The following BMP5 variants were observed in gnomAD, a reference collection of about 807,000 sequenced individuals.
BMP5 encodes bone morphogenetic protein 5.
A neutral mutation model predicts 46.6 loss-of-function variants in BMP5; 23 were observed. The observed-to-expected ratio is 0.49, with a 90% CI of 0.35 to 0.70. The LOEUF (loss-of-function observed/expected upper bound fraction) is 0.70. Among genes scored for constraint, BMP5 ranks in the 30% least tolerant of loss-of-function variants. The probability of loss-of-function intolerance (pLI) is 0.00; values close to 1 mark genes in which losing one functional copy is unlikely to be tolerated. For synonymous variants in BMP5, 204 were observed against 191.9 expected (o/e 1.06, Z -0.52); for missense variants, 545 against 565.6 (o/e 0.96, Z 0.37).
intron 1 of BMP5, among the ~76,000 whole-genome samples, chr6:55,851,132 T>C (rs565379223): frequency 8.8e-4 from 83 of 94,320 alleles, no homozygotes; most frequent in Non-Finnish European, 1.2e-3. Context: ...TTTTGTTTTG[T>C]TTTGCTTTTT....
At chr6:55,773,489 G>A (rs2127520911) in intron 4 of BMP5, among the ~76,000 whole-genome samples, 1 of 127,368 alleles carries the variant, frequency 7.9e-6, no homozygotes, top group South Asian at 2.7e-4. Flanking sequence ...ATATTTTGTT[G>A]AAAGACTGTG....
chr6:55,806,026 C>A (rs1775980117), intron 2 of BMP5, among the ~76,000 whole-genome samples: 1 of 152,070 alleles, frequency 6.6e-6, no homozygotes, highest in Admixed American at 6.6e-5. Context: ...GTTGTCTGTT[C>A]ACTCTGATGA....
At chr6:55,777,822 A>G (rs1775213148) in intron 3 of BMP5, among the ~76,000 whole-genome samples, 1 of 151,970 alleles carries the variant, frequency 6.6e-6, no homozygotes, top group South Asian at 2.1e-4. Flanking sequence ...AAGAAAATCT[A>G]ATACATCCCT....
intron 4 of BMP5, among the ~76,000 whole-genome samples, chr6:55,763,423 C>T (rs776814817): frequency 1.3e-5 from 2 of 151,982 alleles, no homozygotes; most frequent in Non-Finnish European, 2.9e-5. Flanking sequence ...TTTCATAGAG[C>T]ATTAGGACCA....
At chr6:55,787,022 G>A (rs1383444652) in intron 3 of BMP5, among the ~76,000 whole-genome samples, 1 of 151,624 alleles carries the variant, frequency 6.6e-6, no homozygotes. Flanking sequence ...AGAAACTGTA[G>A]TCAAAACAGC....
rs139289865 is a variant in BMP5, at chr6:55,763,720, C to G, written c.1028-3187G>C. 1.8e-4 allele frequency among the ~76,000 whole-genome samples: 27 copies of G among 152,108 alleles called. 1 individual carries two copies. The South Asian group carries it at 5.6e-3, about 32-fold the overall frequency. Reference sequence around the variant, plus strand: ...ACAATCAACACTAGAAAAAGTAAACCAACATGTCTTATCCATAGTGCAAGT... The same window carrying G: ...ACAATCAACACTAGAAAAAGTAAACGAACATGTCTTATCCATAGTGCAAGT... On this transcript the variant is annotated intron_variant, in intron 4 of 6. Coordinates refer to ENST00000370830, the MANE Select transcript of BMP5 (RefSeq NM_021073.4).
chr6:55,826,844 C>G (rs1238005439), intron 1 of BMP5, among the ~76,000 whole-genome samples: 1 of 151,686 alleles, frequency 6.6e-6, no homozygotes, highest in Non-Finnish European at 1.5e-5. Context: ...TATTAACTTT[C>G]TCACTGTCAC....
intron 2 of BMP5, among the ~76,000 whole-genome samples, chr6:55,805,040 C>T (rs1562046425): frequency 6.6e-6 from 1 of 152,154 alleles, no homozygotes; most frequent in African/African-American, 2.4e-5. Flanking sequence ...GAAATCACCT[C>T]TTAGCAAGAG....
intron 1 of BMP5, among the ~76,000 whole-genome samples, chr6:55,824,861 T>G (rs2127540302): frequency 6.6e-6 from 1 of 152,038 alleles, no homozygotes; most frequent in Non-Finnish European, 1.5e-5. Context: ...TAGACTTCAC[T>G]AATCCCAGAC....
At position 55,815,998 on chromosome 6, in the gene BMP5, A is replaced by G. The variant is rs537285315; in HGVS notation, c.683+3657T>C. Among the ~76,000 whole-genome samples, 6 of 152,258 alleles carry G rather than the reference A, an allele frequency of 3.9e-5. No individual in the cohort carries two copies. In the South Asian group the frequency reaches 6.2e-4, roughly 16 times the overall value. ...AGAACAGTGGGCATACAGAAAAGAT[A>G]GGAATTTTAATTGTGATCAATGTAA... On this transcript the variant is annotated intron_variant, in intron 2 of 6. Coordinates refer to ENST00000370830, the MANE Select transcript of BMP5 (RefSeq NM_021073.4).
At position 55,755,566 on chromosome 6, in the gene BMP5, T is replaced by C. The variant is rs778640352; in HGVS notation, c.1332A>G (p.Arg444=). ...DSSNVILKKY[R]NMVVRSCGCH is the part of the protein sequence containing the mutation. The stretch of plus-strand genomic sequence containing the variant: ...AGCCACATGAGCGTACTACCATATT[T>C]CTATATTTTTTCAAAATGACATTGG... The change falls in exon 7 of 7, where the codon AGA becomes AGG. Residue 444 remains arginine (R), a synonymous_variant. Coordinates refer to ENST00000370830, the MANE Select transcript of BMP5 (RefSeq NM_021073.4). The C allele has an allele frequency of 6.2e-7, 1 of 1,611,514 alleles. No individual in the cohort carries two copies. Among genetic ancestry groups the C allele is most frequent in the East Asian group, 2.2e-5 (1 of 44,806 alleles).
chr6:55,806,418 A>G (rs1035401240), intron 2 of BMP5, among the ~76,000 whole-genome samples: 2 of 151,966 alleles, frequency 1.3e-5, no homozygotes. Context: ...GTTCTTTTTC[A>G]TTGGTCTATC....
At chr6:55,872,280 G>C (rs558290497) in intron 1 of BMP5, among the ~76,000 whole-genome samples, 76 of 151,750 alleles carry the variant, frequency 5.0e-4, no homozygotes, top group African/African-American at 1.7e-3. Context: ...AAGACATTTA[G>C]TTTGGAATTA....
At chr6:55,837,376 T>TAGATAGATAGATAGACAGAC (rs1236672631) in intron 1 of BMP5, among the ~76,000 whole-genome samples, 5 of 149,584 alleles carry the variant, frequency 3.3e-5, no homozygotes, top group African/African-American at 9.9e-5. Context: ...GATAGATAGA[T>TAGATAGATAGATAGACAGAC]AGACAGACAG....
At chr6:55,783,380 T>C (rs1775372228) in intron 3 of BMP5, among the ~76,000 whole-genome samples, 1 of 152,052 alleles carries the variant, frequency 6.6e-6, no homozygotes, top group African/African-American at 2.4e-5. Flanking sequence ...TTTTTGTTTG[T>C]TTGTTTCTGT....
At chr6:55,814,325 T>C (rs547466238) in intron 2 of BMP5, among the ~76,000 whole-genome samples, 21 of 152,290 alleles carry the variant, frequency 1.4e-4, no homozygotes, top group Middle Eastern at 6.8e-3. Flanking sequence ...TAAACTAACA[T>C]AGATGCTCAT....
chr6:55,760,333 T>C, intron 5 of BMP5, 124 bp downstream of exon 5: 1 of 834,928 alleles, frequency 1.2e-6, no homozygotes, highest in Non-Finnish European at 2.0e-6. Context: ...ATAAGCCATA[T>C]TCTAAATGGT....
intron 4 of BMP5, among the ~76,000 whole-genome samples, chr6:55,769,708 G>A (rs1440031591): frequency 6.6e-6 from 1 of 151,888 alleles, no homozygotes; most frequent in African/African-American, 2.4e-5. Flanking sequence ...TATGGAAGCT[G>A]TAGAATTACA....
In BMP5 at chr6:55,874,969, A is replaced by G. The variant is rs1286599673; in HGVS notation, c.-104T>C. On this transcript the variant is annotated 5_prime_UTR_variant, in exon 1 of 7. Transcript: ENST00000370830. ...GTACAGTTTCCCAGTAGCTGAAAAA[A>G]CAAATTTACCTATTTTTCATGACAG... 2 of 1,362,404 alleles carry G rather than the reference A, an allele frequency of 1.5e-6. No individual in the cohort carries two copies. Among genetic ancestry groups the G allele is most frequent in the Non-Finnish European group, 2.0e-6 (2 of 987,474 alleles). The allele number at this position is 1,362,404 out of a possible 1,614,324, so 84.4% of individuals were successfully genotyped here.
Sources: gnomAD v4.1 joint callset for allele counts (sites outside exome capture counted in the v4.1 genomes callset) on GRCh38, gnomAD v4.1.1 for gene constraint, MANE v1.5 for transcripts, NCBI Gene and HGNC (gene_info 2026-07-23, HGNC 2026-07-21) for gene names.